KIAA0825: variants seen among roughly 807,000 people sequenced by gnomAD.
KIAA0825 encodes the protein KIAA0825.
KIAA0825 carries 119 observed loss-of-function variants against 147.6 expected under a neutral mutation model. The observed-to-expected ratio is 0.81, with a 90% CI of 0.69 to 0.94. KIAA0825 has a LOEUF of 0.94. Ranked by LOEUF, KIAA0825 falls within the 40% of genes least tolerant of loss-of-function variation. KIAA0825 has a pLI of 0.00. For missense variants in KIAA0825, 1,381 were observed against 1,472.7 expected (o/e 0.94, Z 1.02); for synonymous variants, 470 against 518.1 (o/e 0.91, Z 1.26).
intron 3 of KIAA0825, among the ~76,000 whole-genome samples, chr5:94,531,856 T>C (rs1048250895): frequency 1.3e-5 from 2 of 152,206 alleles, no homozygotes; most frequent in African/African-American, 2.4e-5. Flanking sequence ...GAAATAATAA[T>C]GCACAGTAAA....
At chr5:94,192,258 C>T (rs921541213) in intron 20 of KIAA0825, among the ~76,000 whole-genome samples, 1 of 152,210 alleles carries the variant, frequency 6.6e-6, no homozygotes, top group African/African-American at 2.4e-5. Context: ...TTTTCTATCA[C>T]ATCACACAAG....
chr5:94,209,547 T>C (rs1772514345), intron 20 of KIAA0825, among the ~76,000 whole-genome samples: 2 of 152,258 alleles, frequency 1.3e-5, no homozygotes, highest in Admixed American at 1.3e-4. Flanking sequence ...TTGAAAAGGG[T>C]TGTGCTCATG....
chr5:94,380,681 G>T (rs763562827), intron 20 of KIAA0825, among the ~76,000 whole-genome samples: 9 of 152,248 alleles, frequency 5.9e-5, no homozygotes, highest in African/African-American at 2.2e-4. Context: ...GGTAACATTT[G>T]TCTCAGATGG....
At chr5:94,376,691 T>C (rs895214434) in intron 20 of KIAA0825, among the ~76,000 whole-genome samples, 35 of 152,288 alleles carry the variant, frequency 2.3e-4, no homozygotes, top group African/African-American at 7.9e-4. Context: ...TTTGAGAAGA[T>C]ACAGTGATGA....
At chr5:94,282,647 A>G (rs1387555050) in intron 20 of KIAA0825, among the ~76,000 whole-genome samples, 1 of 152,134 alleles carries the variant, frequency 6.6e-6, no homozygotes, top group Non-Finnish European at 1.5e-5. Context: ...ATTTCAAATA[A>G]TGTCAGCTAT....
chr5:94,244,859 T>A (rs909277124), intron 20 of KIAA0825, among the ~76,000 whole-genome samples: 14 of 152,300 alleles, frequency 9.2e-5, no homozygotes, highest in Non-Finnish European at 1.8e-4. Flanking sequence ...TTGACACAAT[T>A]ATGATTACTC....
At chr5:94,386,464 A>C in intron 18 of KIAA0825, 60 bp from the exon 19 acceptor site, 1 of 1,367,864 alleles carries the variant, frequency 7.3e-7, no homozygotes, top group South Asian at 1.3e-5. Context: ...CTGTAAAAAT[A>C]AACTGATCAA....
chr5:94,194,552 A>T (rs1583812011), intron 20 of KIAA0825, among the ~76,000 whole-genome samples: 1 of 152,020 alleles, frequency 6.6e-6, no homozygotes. Flanking sequence ...TGAATATTCC[A>T]CCTCCAAGCC....
At chr5:94,603,102 C>T (rs1200964449) in intron 1 of KIAA0825, among the ~76,000 whole-genome samples, 1 of 152,048 alleles carries the variant, frequency 6.6e-6, no homozygotes, top group Admixed American at 6.6e-5. Context: ...GCTGGGATTA[C>T]AGGTGTGAGC....
chr5:94,350,300 CA>C (rs1162442856), intron 20 of KIAA0825, among the ~76,000 whole-genome samples: 4 of 151,596 alleles, frequency 2.6e-5, no homozygotes, highest in Admixed American at 6.6e-5. Context: ...AAATTATCAA[CA>C]AAAAAAAGTC....
At chr5:94,353,907 ATAT>A (rs933027657) in intron 20 of KIAA0825, among the ~76,000 whole-genome samples, 12 of 152,330 alleles carry the variant, frequency 7.9e-5, no homozygotes, top group South Asian at 2.1e-4. Flanking sequence ...CTTTATCATT[ATAT>A]TATTATTTAC....
At chr5:94,376,658 G>A (rs1747622884) in intron 20 of KIAA0825, among the ~76,000 whole-genome samples, 1 of 152,118 alleles carries the variant, frequency 6.6e-6, no homozygotes, top group Non-Finnish European at 1.5e-5. Flanking sequence ...TAGATTTCAG[G>A]ATAAGAGAAA....
At chr5:94,398,643 A>G (rs944315905) in intron 16 of KIAA0825, among the ~76,000 whole-genome samples, 1 of 152,132 alleles carries the variant, frequency 6.6e-6, no homozygotes, top group Non-Finnish European at 1.5e-5. Flanking sequence ...TGTTATTTGT[A>G]TACTCATGAA....
rs537464464 is a variant in KIAA0825, at chr5:94,235,229, G to A, written c.3711-81105C>T. On this transcript the variant is annotated intron_variant, in intron 20 of 20. Transcript: ENST00000682413. ...AGGCAGCCAGGTTGTGAATGCAAAC[G>A]AAACATTTTTAAAGGAAATTAAAAG... Among the ~76,000 whole-genome samples, 17 of 152,118 alleles carry A rather than the reference G, an allele frequency of 1.1e-4. No individual in the cohort carries two copies. In the South Asian group the frequency reaches 1.9e-3, roughly 17 times the overall value.
chr5:94,382,400 T>G (rs1748539244), intron 20 of KIAA0825, among the ~76,000 whole-genome samples: 1 of 152,226 alleles, frequency 6.6e-6, no homozygotes, highest in South Asian at 2.1e-4. Flanking sequence ...AACAATTTCC[T>G]TACCGGTTCA....
At chr5:94,267,302 T>C (rs1206034832) in intron 20 of KIAA0825, among the ~76,000 whole-genome samples, 1 of 152,178 alleles carries the variant, frequency 6.6e-6, no homozygotes, top group African/African-American at 2.4e-5. Flanking sequence ...GTTGGCTTAT[T>C]TGAGATTGTG....
chr5:94,469,972 C>G lies in KIAA0825; in HGVS notation c.1861G>C (p.Ala621Pro). Residue 621 changes from alanine to proline, a missense_variant, in exon 10 of 21, where the codon GCT (alanine) becomes CCT (proline). Transcript: ENST00000682413. ...AESHHWDDYK[A>P]FYEGERCSFS... ...ACTTAACTTCACACCTCATAAAAAG[C>G]TTTGTAGTCATCCCAGTGGTGGCTC... The G allele has an allele frequency of 6.4e-7, 1 of 1,551,044 alleles. No individual in the cohort carries two copies. The highest frequency in any genetic ancestry group is 8.7e-7 in the Non-Finnish European group (1 of 1,146,614).
chr5:94,611,420 G>A (rs554534457), intron 1 of KIAA0825, among the ~76,000 whole-genome samples: 2 of 151,894 alleles, frequency 1.3e-5, no homozygotes, highest in Non-Finnish European at 2.9e-5. Context: ...CAAAAATACA[G>A]GCTATGACTA....
intron 20 of KIAA0825, among the ~76,000 whole-genome samples, chr5:94,266,815 A>T (rs887346374): frequency 1.3e-5 from 2 of 152,170 alleles, no homozygotes; most frequent in South Asian, 2.1e-4. Flanking sequence ...GCACATTTAA[A>T]CTTCTCAGTT....
Sources: allele counts gnomAD v4.1 joint callset (sites outside exome capture counted in the v4.1 genomes callset), GRCh38; gene constraint gnomAD v4.1.1; transcripts MANE v1.5; gene names NCBI Gene and HGNC (gene_info 2026-07-23, HGNC 2026-07-21).